RBBP8: variants seen among roughly 807,000 people sequenced by gnomAD.
The protein encoded by RBBP8 is RB binding protein 8, endonuclease.
RBBP8 carries 88 observed loss-of-function variants against 108.3 expected under a neutral mutation model. The observed-to-expected ratio is 0.81, with a 90% CI of 0.68 to 0.97. The LOEUF is 0.97. Among genes scored for constraint, RBBP8 ranks in the 50% least tolerant of loss-of-function variants. RBBP8 has a pLI of 0.00. For synonymous variants in RBBP8, 332 were observed against 348.2 expected (o/e 0.95, Z 0.52); for missense variants, 1,023 against 1,049.0 (o/e 0.98, Z 0.34).
At chr18:22,952,938 T>A (rs901362016) in intron 4 of RBBP8, among the ~76,000 whole-genome samples, 1 of 152,364 alleles carries the variant, frequency 6.6e-6, no homozygotes, top group East Asian at 1.9e-4. Flanking sequence ...TTAGGAATGC[T>A]TTTTGTTCCA....
chr18:23,011,816 G>A (rs140756154), intron 16 of RBBP8, among the ~76,000 whole-genome samples: 1,739 of 152,178 alleles, frequency 0.011, 20 homozygotes, highest in South Asian at 0.04. Context: ...AATGAATGTC[G>A]TGTGTGTTCT....
chr18:22,919,679 G>A (rs144862376), intron 3 of RBBP8, among the ~76,000 whole-genome samples: 4,187 of 152,172 alleles, frequency 0.028, 64 homozygotes, highest in Non-Finnish European at 0.034. Flanking sequence ...AGACTCTGGA[G>A]TAGCTGGGAT....
intron 2 of RBBP8, among the ~76,000 whole-genome samples, chr18:22,938,385 G>T (rs529896862): frequency 6.6e-6 from 1 of 151,454 alleles, no homozygotes; most frequent in Non-Finnish European, 1.5e-5. Context: ...TCAGGGTTTC[G>T]CTATGTTGCC....
At chr18:22,925,526 T>C (rs1226475663) in intron 3 of RBBP8, among the ~76,000 whole-genome samples, 1 of 152,224 alleles carries the variant, frequency 6.6e-6, no homozygotes, top group African/African-American at 2.4e-5. Context: ...CGTTTAAAGA[T>C]ATATCTGTAA....
chr18:22,956,845 A>G lies in RBBP8; in HGVS notation c.248+7132A>G, dbSNP rs570737748. Among the ~76,000 whole-genome samples the G allele has an allele frequency of 1.2e-4, 18 of 152,250 alleles. 1 individual carries two copies. The highest frequency in any genetic ancestry group is 1.2e-3 in the Admixed American group (18 of 15,298). ...ATGTTTTATATTATGTTTAATAATT[A>G]TTATTATGTTTAATGAGTATATTTA... On this transcript the variant is annotated intron_variant, in intron 4 of 18. Coordinates refer to ENST00000327155, the MANE Select transcript of RBBP8 (RefSeq NM_002894.3).
At chr18:22,966,096 G>A (rs982449847) in intron 4 of RBBP8, among the ~76,000 whole-genome samples, 3 of 151,962 alleles carry the variant, frequency 2.0e-5, no homozygotes, top group South Asian at 2.1e-4. Flanking sequence ...CCTTGCTTTC[G>A]TTTTTTTGTT....
intron 16 of RBBP8, among the ~76,000 whole-genome samples, chr18:23,013,450 G>C (rs1429828004): frequency 1.3e-5 from 2 of 152,106 alleles, no homozygotes; most frequent in Non-Finnish European, 2.9e-5. Context: ...GAGCCCACCT[G>C]GTCCGTCAGA....
rs201195506 is a variant in RBBP8 at position 23,026,176 on chromosome 18, G to A, written c.2630G>A (p.Arg877His). ...AAGGAAGATCTTGATCCTTGTCCTC[G>A]TCCAAAAAGACGTCAGCCTTACAAC... is the stretch of plus-strand genomic sequence containing the variant. The part of the protein sequence containing the change: ...YIKEDLDPCP[R>H]PKRRQPYNAI... Residue 877 changes from arginine to histidine, a missense_variant, in exon 19 of 19, where the codon CGT becomes CAT. By Grantham distance (29) the Arg-to-His change is conservative. Coordinates refer to ENST00000327155, the MANE Select transcript of RBBP8 (RefSeq NM_002894.3). 1.5e-4 allele frequency: 245 copies of A among 1,613,508 alleles called. No homozygotes were observed. The highest frequency in any genetic ancestry group is 2.0e-4 in the Non-Finnish European group (231 of 1,179,724).
Position 23,010,508 on chromosome 18 carries a change from G to C in RBBP8, c.2357+4076G>C, listed in dbSNP as rs149511883. On this transcript the variant is annotated intron_variant, in intron 16 of 18. Coordinates refer to ENST00000327155, the MANE Select transcript of RBBP8 (RefSeq NM_002894.3). Reference sequence around the variant, plus strand: ...CCAACTACTCAGGAAGCTTTGAGAAGATCGCTTGAGCCCAGGAAGTCAAGG... The same window carrying C: ...CCAACTACTCAGGAAGCTTTGAGAACATCGCTTGAGCCCAGGAAGTCAAGG... 6.0e-4 allele frequency among the ~76,000 whole-genome samples: 91 copies of C among 151,746 alleles called. 1 individual carries two copies. The East Asian group carries it at 0.017, about 28-fold the overall frequency.
intron 5 of RBBP8, among the ~76,000 whole-genome samples, chr18:22,972,638 T>C (rs1404421406): frequency 6.6e-6 from 1 of 152,072 alleles, no homozygotes; most frequent in East Asian, 1.9e-4. Flanking sequence ...GGCCTCGAAC[T>C]CCTAACCTCG....
At chr18:23,024,003 A>G (rs2046414541) in intron 18 of RBBP8, among the ~76,000 whole-genome samples, 1 of 147,930 alleles carries the variant, frequency 6.8e-6, no homozygotes, top group Admixed American at 6.8e-5. Flanking sequence ...CTTCTTGAAT[A>G]GCTGGGACTA....
chr18:22,960,351 G>C (rs1443194675), intron 4 of RBBP8, among the ~76,000 whole-genome samples: 7 of 152,168 alleles, frequency 4.6e-5, no homozygotes, highest in Non-Finnish European at 1.0e-4. Flanking sequence ...AAAAGTTTGA[G>C]ACCAGCCGGG....
At chr18:22,972,373 A>G (rs1469206658) in intron 5 of RBBP8, among the ~76,000 whole-genome samples, 2 of 150,862 alleles carry the variant, frequency 1.3e-5, no homozygotes, top group Non-Finnish European at 3.0e-5. Context: ...AAAAAAAAAA[A>G]AATCAAAGAA....
In RBBP8 at chr18:22,975,225, T is replaced by C. The variant is rs917577093; in HGVS notation, c.428+6T>C. On this transcript the variant is annotated splice_donor_region_variant and intron_variant, in intron 6 of 18. Transcript: ENST00000327155. ...CAACTCCAGCAGAAAATTGAGTAAGTATTTTCCTCCAACCTTGTTATTTTA... is the reference window on the plus strand; with the variant it reads ...CAACTCCAGCAGAAAATTGAGTAAGCATTTTCCTCCAACCTTGTTATTTTA... 8.7e-6 allele frequency: 14 copies of C among 1,612,304 alleles called. No individual in the cohort carries two copies. Among genetic ancestry groups the C allele is most frequent in the Non-Finnish European group, 1.2e-5 (14 of 1,179,086 alleles).
At chr18:23,007,257 G>A (rs1292399445) in intron 16 of RBBP8, among the ~76,000 whole-genome samples, 10 of 151,524 alleles carry the variant, frequency 6.6e-5, no homozygotes, top group African/African-American at 2.2e-4. Flanking sequence ...CTGACCTCAG[G>A]TGATCCACCC....
chr18:22,935,615 C>G (rs560288264), intron 1 of RBBP8, among the ~76,000 whole-genome samples: 1 of 152,252 alleles, frequency 6.6e-6, no homozygotes, highest in East Asian at 1.9e-4. Context: ...TGTCAGAGAC[C>G]TCAGGAAATG....
upstream of RBBP8, among the ~76,000 whole-genome samples, chr18:22,930,010 C>T (rs1909962559): frequency 6.6e-6 from 1 of 152,202 alleles, no homozygotes; most frequent in Non-Finnish European, 1.5e-5. Flanking sequence ...AACTACCCAG[C>T]TGCAGGAGTT....
chr18:22,997,327 T>C (rs879771352), intron 13 of RBBP8, among the ~76,000 whole-genome samples: 1 of 152,196 alleles, frequency 6.6e-6, no homozygotes, highest in Non-Finnish European at 1.5e-5. Context: ...ATAAGGCAAA[T>C]TGGAAAATAA....
intron 5 of RBBP8, among the ~76,000 whole-genome samples, 193 bp from the exon 6 acceptor site, chr18:22,974,960 G>T (rs747552901): frequency 2.0e-5 from 3 of 152,222 alleles, no homozygotes; most frequent in South Asian, 2.1e-4. Flanking sequence ...GAACTGGCAC[G>T]GTGTGAGATG....
Sources: allele counts gnomAD v4.1 joint callset (sites outside exome capture counted in the v4.1 genomes callset), GRCh38; gene constraint gnomAD v4.1.1; transcripts MANE v1.5; gene names NCBI Gene and HGNC (gene_info 2026-07-23, HGNC 2026-07-21).